KCNJ6: variants seen among roughly 807,000 people sequenced by gnomAD.
The protein encoded by KCNJ6 is potassium inwardly rectifying channel subfamily J member 6, also known as G protein-activated inward rectifier potassium channel 2.
Under a neutral mutation model 34.2 loss-of-function variants are expected in KCNJ6, and 9 were observed. That is an observed-to-expected ratio of 0.26 (90% confidence interval 0.16 to 0.46). KCNJ6 has a LOEUF of 0.46. KCNJ6 is among the 20% of genes least tolerant of loss of function. The pLI is 1.00. For missense variants in KCNJ6, 236 were observed against 531.3 expected, an observed-to-expected ratio of 0.44 and a Z score of 5.46; for synonymous variants, 196 against 207.1, an observed-to-expected ratio of 0.95 and a Z score of 0.46.
At chr21:37,648,272 C>T (rs373755809) in intron 3 of KCNJ6, among the ~76,000 whole-genome samples, 8 of 152,220 alleles carry the variant, frequency 5.3e-5, no homozygotes, top group East Asian at 1.9e-4. Flanking sequence ...AGCTGTGGGC[C>T]GTGGAGGGGA....
rs1026275010 is a variant in KCNJ6 at position 37,840,790 on chromosome 21, C to T, written c.-27-81G>A. ...ATCTAATTGCCATTTACAGCTATATCTCTCTTCCTTCTTTTTCCTAGGTCA... is the reference window on the plus strand; with the variant it reads ...ATCTAATTGCCATTTACAGCTATATTTCTCTTCCTTCTTTTTCCTAGGTCA... On this transcript the variant is annotated intron_variant, in intron 1 of 3. Transcript: ENST00000609713. The T allele has an allele frequency of 8.2e-6, 6 of 734,738 alleles. No individual in the cohort carries two copies. In the Admixed American group the frequency reaches 1.0e-4, roughly 12 times the overall value. The allele number at this position is 734,738 out of a possible 1,614,324, so 45.5% of individuals were successfully genotyped here.
At position 37,674,826 on chromosome 21, in the gene KCNJ6, T is replaced by G. The variant is rs539405185; in HGVS notation, c.946+39385A>C. On this transcript the variant is annotated intron_variant, in intron 3 of 3. Coordinates refer to ENST00000609713, the MANE Select transcript of KCNJ6 (RefSeq NM_002240.5). Reference sequence around the variant, plus strand: ...ATGTAAGCTTGGTTTACTCATGCTGTGTCCTGACTACCTAGAACACTGCAG... The same window carrying G: ...ATGTAAGCTTGGTTTACTCATGCTGGGTCCTGACTACCTAGAACACTGCAG... Among the ~76,000 whole-genome samples the G allele has an allele frequency of 5.8e-4, 88 of 152,278 alleles. 1 individual carries two copies. Among genetic ancestry groups the G allele is most frequent in the Admixed American group, 1.3e-3 (20 of 15,298 alleles).
intron 2 of KCNJ6, among the ~76,000 whole-genome samples, chr21:37,802,904 C>A (rs887421769): frequency 6.6e-6 from 1 of 152,102 alleles, no homozygotes; most frequent in African/African-American, 2.4e-5. Flanking sequence ...GATAGCACTG[C>A]AGGTATAAAT....
intron 2 of KCNJ6, among the ~76,000 whole-genome samples, chr21:37,758,376 T>C (rs1191675117): frequency 6.6e-6 from 1 of 152,186 alleles, no homozygotes; most frequent in Non-Finnish European, 1.5e-5. Flanking sequence ...CCAGGTGCTG[T>C]AAATATCACC....
chr21:37,683,301 T>C (rs968366805), intron 3 of KCNJ6, among the ~76,000 whole-genome samples: 8 of 152,144 alleles, frequency 5.3e-5, no homozygotes, highest in African/African-American at 1.9e-4. Context: ...GAAATGGCCC[T>C]GGTTACCAGC....
chr21:37,802,017 G>A (rs2055271707), intron 2 of KCNJ6, among the ~76,000 whole-genome samples: 2 of 152,200 alleles, frequency 1.3e-5, no homozygotes, highest in Admixed American at 1.3e-4. Flanking sequence ...GAGTGGTGAA[G>A]CTGGAGCCAA....
intron 1 of KCNJ6, among the ~76,000 whole-genome samples, chr21:37,893,019 AT>A (rs1340384030): frequency 6.7e-6 from 1 of 149,472 alleles, no homozygotes; most frequent in Non-Finnish European, 1.5e-5. Flanking sequence ...AGGCCAGCTA[AT>A]TTTTTTTGTA....
Position 37,910,166 on chromosome 21 carries a change from C to T in KCNJ6, c.-28+5718G>A, listed in dbSNP as rs75597931. 3.7e-4 allele frequency among the ~76,000 whole-genome samples: 56 copies of T among 152,300 alleles called. No homozygotes were observed. The East Asian group carries it at 9.3e-3, about 25-fold the overall frequency. The stretch of plus-strand genomic sequence containing the variant: ...AGGCATAGCGCTCCAGAGAATAATA[C>T]GCCTTTGTTTTGTAAGCCACTGAGA... On this transcript the variant is annotated intron_variant, in intron 1 of 3. Coordinates refer to ENST00000609713, the MANE Select transcript of KCNJ6 (RefSeq NM_002240.5).
intron 2 of KCNJ6, among the ~76,000 whole-genome samples, chr21:37,721,261 A>T (rs1234758739): frequency 4.6e-5 from 7 of 152,212 alleles, no homozygotes; most frequent in Admixed American, 1.3e-4. Flanking sequence ...TTATTATTTT[A>T]AAAAAAGAAA....
chr21:37,821,195 C>T (rs985824416), intron 2 of KCNJ6, among the ~76,000 whole-genome samples: 2 of 152,126 alleles, frequency 1.3e-5, no homozygotes, highest in Non-Finnish European at 2.9e-5. Context: ...TGGAAAATAA[C>T]TTTTTTATTT....
intron 2 of KCNJ6, among the ~76,000 whole-genome samples, chr21:37,816,329 G>A (rs1364973326): frequency 1.3e-5 from 2 of 152,208 alleles, no homozygotes; most frequent in Non-Finnish European, 1.5e-5. Flanking sequence ...GCATCTGGGA[G>A]AAGCTATTGC....
chr21:37,638,780 C>A (rs2054368708), intron 3 of KCNJ6, among the ~76,000 whole-genome samples: 1 of 152,160 alleles, frequency 6.6e-6, no homozygotes, highest in South Asian at 2.1e-4. Flanking sequence ...ACGAGATAGC[C>A]CCAAATCAAA....
intron 2 of KCNJ6, among the ~76,000 whole-genome samples, chr21:37,748,084 G>A (rs2054976800): frequency 6.6e-6 from 1 of 152,166 alleles, no homozygotes; most frequent in African/African-American, 2.4e-5. Flanking sequence ...AGCAAGACCA[G>A]AAACCCCTCC....
chr21:37,688,044 G>A (rs1466761365), intron 3 of KCNJ6, among the ~76,000 whole-genome samples: 2 of 152,074 alleles, frequency 1.3e-5, no homozygotes, highest in Non-Finnish European at 2.9e-5. Flanking sequence ...CCTGTTTTAG[G>A]CATAAAACAC....
At position 37,882,609 on chromosome 21, in the gene KCNJ6, T is replaced by C. The variant is rs1479150253; in HGVS notation, c.-28+33275A>G. On this transcript the variant is annotated intron_variant, in intron 1 of 3. Coordinates refer to ENST00000609713, the MANE Select transcript of KCNJ6 (RefSeq NM_002240.5). Reference sequence around the variant, plus strand: ...TTCTTCACTTTGGCCAAATTCCTCATGGTTTATAGAAAACAGCAAGAGGTA... The same window carrying C: ...TTCTTCACTTTGGCCAAATTCCTCACGGTTTATAGAAAACAGCAAGAGGTA... 2.0e-5 allele frequency among the ~76,000 whole-genome samples: 3 copies of C among 152,204 alleles called. No individual in the cohort carries two copies. The East Asian group carries it at 5.8e-4, about 29-fold the overall frequency.
rs138507608 is a variant in KCNJ6, at chr21:37,631,497, C to A, written c.947-6013G>T. Reference sequence around the variant, plus strand: ...GAATAACACGCCTATTCCTTCCCACCAAGTATAGTTGAGGCCTCTGGACAA... The same window carrying A: ...GAATAACACGCCTATTCCTTCCCACAAAGTATAGTTGAGGCCTCTGGACAA... On this transcript the variant is annotated intron_variant, in intron 3 of 3. Coordinates refer to ENST00000609713, the MANE Select transcript of KCNJ6 (RefSeq NM_002240.5). 3.2e-3 allele frequency among the ~76,000 whole-genome samples: 494 copies of A among 152,206 alleles called. 5 individuals carry two copies. The highest frequency in any genetic ancestry group is 0.011 in the African/African-American group (438 of 41,538).
At chr21:37,822,337 G>A (rs1540012) in intron 2 of KCNJ6, among the ~76,000 whole-genome samples, 46,415 of 151,984 alleles carry the variant, frequency 0.31, 7,750 homozygotes, top group South Asian at 0.39. Context: ...CCCATTCCTC[G>A]TGGATGGGGA....
intron 3 of KCNJ6, among the ~76,000 whole-genome samples, chr21:37,665,274 T>G (rs2123402132): frequency 6.6e-6 from 1 of 152,308 alleles, no homozygotes; most frequent in Non-Finnish European, 1.5e-5. Context: ...ATTATTATCA[T>G]TATTTATGAT....
chr21:37,774,724 C>G (rs1490384674), intron 2 of KCNJ6, among the ~76,000 whole-genome samples: 3 of 152,096 alleles, frequency 2.0e-5, no homozygotes, highest in Admixed American at 6.6e-5. Context: ...GTATATGTGC[C>G]ACATTTTCTT....
Sources: allele counts gnomAD v4.1 joint callset (sites outside exome capture counted in the v4.1 genomes callset), GRCh38; gene constraint gnomAD v4.1.1; transcripts MANE v1.5; gene names NCBI Gene and HGNC (gene_info 2026-07-23, HGNC 2026-07-21).